Variants in LHPP observed in about 807,000 individuals in gnomAD.
LHPP encodes the protein phospholysine phosphohistidine inorganic pyrophosphate phosphatase.
Under a neutral mutation model 30.3 loss-of-function variants are expected in LHPP, and 24 were observed. The observed-to-expected ratio is 0.79, with a 90% CI of 0.57 to 1.11. LHPP has a LOEUF of 1.11. LHPP is among the 50% of genes most tolerant of loss of function. The pLI, the probability that LHPP is intolerant of heterozygous loss-of-function variation, is 0.00. For missense variants in LHPP, 356 were observed against 367.2 expected (o/e 0.97, Z 0.25); for synonymous variants, 150 against 157.1 (o/e 0.95, Z 0.34).
At chr10:124,516,756 A>G (rs574923131) in intron 5 of LHPP, among the ~76,000 whole-genome samples, 4 of 152,308 alleles carry the variant, frequency 2.6e-5, no homozygotes, top group Admixed American at 6.5e-5. Flanking sequence ...AGCAAAACCT[A>G]TATAAAGCAA....
At chr10:124,588,913 G>C (rs1346187177) in intron 6 of LHPP, among the ~76,000 whole-genome samples, 1 of 152,230 alleles carries the variant, frequency 6.6e-6, no homozygotes, top group East Asian at 1.9e-4. Flanking sequence ...GAAGGGCAAA[G>C]GTTAGGGAAA....
intron 6 of LHPP, among the ~76,000 whole-genome samples, chr10:124,528,037 G>A (rs981284190): frequency 7.8e-5 from 6 of 76,742 alleles, no homozygotes; most frequent in African/African-American, 3.8e-4. Flanking sequence ...CCAAAGTGCT[G>A]GGATTACCCG....
At chr10:124,613,181 C>T (rs1316318025) in intron 6 of LHPP, 83 bp from the exon 7 acceptor site, 1 of 1,076,850 alleles carries the variant, frequency 9.3e-7, no homozygotes, top group East Asian at 2.4e-5. Context: ...AAGGCCAGGC[C>T]CATGTTAGAT....
At chr10:124,481,654 T>TAC (rs1245211345) in intron 1 of LHPP, among the ~76,000 whole-genome samples, 1 of 151,992 alleles carries the variant, frequency 6.6e-6, no homozygotes, top group African/African-American at 2.4e-5. Context: ...GTGCTGGGGT[T>TAC]ACAGGACTGA....
chr10:124,469,877 G>A (rs1952676709), intron 1 of LHPP, among the ~76,000 whole-genome samples: 1 of 152,142 alleles, frequency 6.6e-6, no homozygotes, highest in Admixed American at 6.5e-5. Flanking sequence ...TGGCCTCGCA[G>A]ATCCCATGGC....
chr10:124,539,309 G>C (rs1955115636), intron 6 of LHPP, among the ~76,000 whole-genome samples: 1 of 152,318 alleles, frequency 6.6e-6, no homozygotes, highest in Admixed American at 6.5e-5. Flanking sequence ...GGCACTTCGG[G>C]CCTCAGTTTC....
In LHPP at chr10:124,495,652, G is replaced by C. The variant is rs570434302; in HGVS notation, c.468-1309G>C. The stretch of plus-strand genomic sequence containing the variant: ...CGAGGAGCTCAGTTCTCACACCCCA[G>C]GTGGTCACAGAACACATTTCAGCCC... On this transcript the variant is annotated intron_variant, in intron 3 of 6. Coordinates refer to ENST00000368842, the MANE Select transcript of LHPP (RefSeq NM_022126.4). Among the ~76,000 whole-genome samples, 7 of 152,266 alleles carry C rather than the reference G, an allele frequency of 4.6e-5. No individual in the cohort carries two copies. The South Asian group carries it at 8.3e-4, about 18-fold the overall frequency.
intron 6 of LHPP, among the ~76,000 whole-genome samples, chr10:124,534,271 G>A (rs529749162): frequency 6.6e-6 from 1 of 152,382 alleles, no homozygotes; most frequent in Admixed American, 6.5e-5. Context: ...GTGCTGGGGA[G>A]CTCAGCAGCT....
intron 6 of LHPP, among the ~76,000 whole-genome samples, chr10:124,597,253 G>C (rs1028943827): frequency 6.6e-6 from 1 of 152,178 alleles, no homozygotes; most frequent in Non-Finnish European, 1.5e-5. Context: ...GTGTGAGCCA[G>C]TTCTCCCTAA....
rs1042474371 is a variant in LHPP at position 124,593,876 on chromosome 10, G to A, written c.717-19388G>A. ...GGCATTTGCCATGCCTGCCCTGCTT[G>A]GGTATTTGGCCCCAGGGCCAGGGCT... On this transcript the variant is annotated intron_variant, in intron 6 of 6. Coordinates refer to ENST00000368842, the MANE Select transcript of LHPP (RefSeq NM_022126.4). This position sits in a 1 kb window ranked among gnomAD's most constrained non-coding sequence, Gnocchi z 4.9. 6.6e-6 allele frequency among the ~76,000 whole-genome samples: 1 copy of A among 152,226 alleles called. No individual in the cohort carries two copies. Among genetic ancestry groups the A allele is most frequent in the African/African-American group, 2.4e-5 (1 of 41,462 alleles).
At chr10:124,567,976 G>C (rs946143049) in intron 6 of LHPP, among the ~76,000 whole-genome samples, 1 of 152,176 alleles carries the variant, frequency 6.6e-6, no homozygotes, top group Non-Finnish European at 1.5e-5. Context: ...GCAGTGGCGC[G>C]ATCTCGGCTC....
chr10:124,469,622 A>G (rs1013045361), intron 1 of LHPP, among the ~76,000 whole-genome samples: 2 of 151,980 alleles, frequency 1.3e-5, no homozygotes, highest in Non-Finnish European at 2.9e-5. Context: ...ACACACACAC[A>G]TTCGTTCATT....
At chr10:124,607,652 G>A (rs1203539972) in intron 6 of LHPP, among the ~76,000 whole-genome samples, 1 of 152,152 alleles carries the variant, frequency 6.6e-6, no homozygotes, top group East Asian at 1.9e-4. Context: ...AGGGCACCTG[G>A]GGAAGGTGTC....
chr10:124,606,141 G>T (rs1949089525), intron 6 of LHPP, among the ~76,000 whole-genome samples: 1 of 152,180 alleles, frequency 6.6e-6, no homozygotes, highest in South Asian at 2.1e-4. Context: ...GAGAGGAGAG[G>T]AGAACCCGCA....
chr10:124,557,717 CA>C (rs1325296459), intron 6 of LHPP, among the ~76,000 whole-genome samples: 1 of 152,066 alleles, frequency 6.6e-6, no homozygotes, highest in Non-Finnish European at 1.5e-5. Flanking sequence ...CCTGCAGGGC[CA>C]TTGGTGGAGT....
chr10:124,474,801 G>A (rs543639408), intron 1 of LHPP, among the ~76,000 whole-genome samples: 115 of 152,252 alleles, frequency 7.6e-4, no homozygotes, highest in Middle Eastern at 6.8e-3. Flanking sequence ...CTGGGGCTCA[G>A]TTCACCCTGG....
rs2134000479 is a variant in LHPP at position 124,590,122 on chromosome 10, A to G, written c.717-23142A>G. 6.6e-6 allele frequency among the ~76,000 whole-genome samples: 1 copy of G among 152,176 alleles called. No individual in the cohort carries two copies. Among genetic ancestry groups the G allele is most frequent in the South Asian group, 2.1e-4 (1 of 4,818 alleles). ...AAGAATAGTGTGAACAGCTCATTCG[A>G]TTCGTTCATGTGACGTCCTCCCTCT... On this transcript the variant is annotated intron_variant, in intron 6 of 6. Coordinates refer to ENST00000368842, the MANE Select transcript of LHPP (RefSeq NM_022126.4). The surrounding 1 kb of genome is among the most constrained non-coding windows in gnomAD (Gnocchi z 4.3).
chr10:124,543,166 C>A (rs1044453623), intron 6 of LHPP, among the ~76,000 whole-genome samples: 9 of 152,242 alleles, frequency 5.9e-5, no homozygotes, highest in African/African-American at 1.9e-4. Flanking sequence ...TGCCCCCGTT[C>A]CAGCTCGGGC....
At chr10:124,599,264 CTGTT>C (rs1416485520) in intron 6 of LHPP, among the ~76,000 whole-genome samples, 3 of 152,240 alleles carry the variant, frequency 2.0e-5, no homozygotes, top group African/African-American at 2.4e-5. Flanking sequence ...TTCCAACTGT[CTGTT>C]TGTCCATTCC....
Sources: allele counts gnomAD v4.1 joint callset (sites outside exome capture counted in the v4.1 genomes callset), GRCh38; gene constraint gnomAD v4.1.1; non-coding constraint Gnocchi (gnomAD v3.1); transcripts MANE v1.5; gene names NCBI Gene and HGNC (gene_info 2026-07-23, HGNC 2026-07-21).